Variants in MBNL2 observed in about 807,000 individuals in gnomAD.
The protein encoded by MBNL2 is muscleblind-like protein 2.
Under a neutral mutation model 41.9 loss-of-function variants are expected in MBNL2, and 17 were observed. The observed-to-expected ratio is 0.41, with a 90% confidence interval of 0.28 to 0.61. The LOEUF (loss-of-function observed/expected upper bound fraction) is 0.61, where lower values mean the gene tolerates loss of function less well. MBNL2 is among the 20% of genes least tolerant of loss of function. The probability of loss-of-function intolerance (pLI) is 0.35; values close to 1 mark genes in which losing one functional copy is unlikely to be tolerated. For synonymous variants in MBNL2, 195 were observed against 182.9 expected (o/e 1.07, Z -0.53); for missense variants, 336 against 505.6 (o/e 0.66, Z 3.22).
intron 4 of MBNL2, among the ~76,000 whole-genome samples, chr13:97,344,778 CAAATT>C (rs1170939074): frequency 1.3e-5 from 2 of 152,170 alleles, no homozygotes; most frequent in Admixed American, 6.5e-5. Flanking sequence ...CTTTAGAAAA[CAAATT>C]AAATCAGTGG....
intron 1 of MBNL2, among the ~76,000 whole-genome samples, chr13:97,259,457 C>A (rs1054775548): frequency 6.6e-6 from 1 of 152,156 alleles, no homozygotes; most frequent in African/African-American, 2.4e-5. Context: ...CACCTTTTCA[C>A]CCTCCCTGAA....
chr13:97,200,325 G>A, the MBNL2 span, among the ~76,000 whole-genome samples: 1 of 152,190 alleles, frequency 6.6e-6, no homozygotes, highest in Non-Finnish European at 1.5e-5. Flanking sequence ...CCACCACAGT[G>A]CCTGGGACCT....
intron 2 of MBNL2, among the ~76,000 whole-genome samples, chr13:97,316,855 C>T (rs1433921454): frequency 6.6e-6 from 1 of 152,210 alleles, no homozygotes; most frequent in Non-Finnish European, 1.5e-5. Context: ...TTGTCTGTCT[C>T]CCCTAACTAG....
chr13:97,159,382 T>C, the MBNL2 span, among the ~76,000 whole-genome samples: 3 of 152,028 alleles, frequency 2.0e-5, no homozygotes, highest in African/African-American at 4.8e-5. Context: ...AATTGGAGCA[T>C]TTAGTCCATT....
At chr13:97,375,387 G>A (rs2064865085) in intron 8 of MBNL2, among the ~76,000 whole-genome samples, 1 of 152,204 alleles carries the variant, frequency 6.6e-6, no homozygotes, top group Admixed American at 6.5e-5. Flanking sequence ...GCTGGCAAAC[G>A]TTGCTGCTGG....
In MBNL2 at chr13:97,275,938, A is replaced by G. The variant is rs1954674351; in HGVS notation, c.-298A>G. 3.9e-6 allele frequency: 1 copy of G among 253,554 alleles called. No homozygotes were observed. The highest frequency in any genetic ancestry group is 7.5e-6 in the Non-Finnish European group (1 of 133,524). The allele number at this position is 253,554 out of a possible 1,614,324, so 15.7% of individuals were successfully genotyped here. On this transcript the variant is annotated 5_prime_UTR_variant, in exon 2 of 9. An upstream open reading frame in the 5' UTR loses its in-frame stop. Coordinates refer to ENST00000679496, the MANE Select transcript of MBNL2 (RefSeq NM_001382683.1). ...GCCATGATATTGAAGTCACTTTATTAATAACAGCTGTATCTGCAAAACAGT... is the reference window on the plus strand; with the variant it reads ...GCCATGATATTGAAGTCACTTTATTGATAACAGCTGTATCTGCAAAACAGT...
intron 2 of MBNL2, among the ~76,000 whole-genome samples, chr13:97,290,600 C>T (rs1306319324): frequency 2.0e-5 from 3 of 151,080 alleles, no homozygotes; most frequent in South Asian, 2.1e-4. Flanking sequence ...GGCGTGAACC[C>T]GGGAAGCGGA....
the MBNL2 span, among the ~76,000 whole-genome samples, chr13:97,215,593 C>T: frequency 9.0e-3 from 1,368 of 152,250 alleles, 16 homozygotes; most frequent in African/African-American, 0.031. Context: ...AGGCATGCTA[C>T]AATCCATTAA....
At chr13:97,207,598 A>T in the MBNL2 span, among the ~76,000 whole-genome samples, 1 of 152,178 alleles carries the variant, frequency 6.6e-6, no homozygotes, top group African/African-American at 2.4e-5. Flanking sequence ...CTCCCACCAG[A>T]TCCCTCCCAC....
At chr13:97,267,830 G>A (rs929030166) in intron 1 of MBNL2, among the ~76,000 whole-genome samples, 2 of 152,166 alleles carry the variant, frequency 1.3e-5, no homozygotes, top group African/African-American at 4.8e-5. Context: ...TTGTTTCTAG[G>A]GAAATCAGTG....
chr13:97,205,719 CT>C, the MBNL2 span, among the ~76,000 whole-genome samples: 1 of 152,146 alleles, frequency 6.6e-6, no homozygotes, highest in African/African-American at 2.4e-5. Context: ...GACAGTTGAG[CT>C]TTTACTAAGA....
At chr13:97,202,245 A>G in the MBNL2 span, among the ~76,000 whole-genome samples, 511 of 152,354 alleles carry the variant, frequency 3.4e-3, 7 homozygotes, top group African/African-American at 0.012. Flanking sequence ...GGTGATGCAT[A>G]CATGAGGGCT....
In MBNL2 at chr13:97,337,438, G is replaced by A. The variant is rs74106928; in HGVS notation, c.339+2998G>A. Among the ~76,000 whole-genome samples, 287 of 152,224 alleles carry A rather than the reference G, an allele frequency of 1.9e-3. 1 individual carries two copies. The highest frequency in any genetic ancestry group is 6.4e-3 in the African/African-American group (266 of 41,528). On this transcript the variant is annotated intron_variant, in intron 3 of 8. Coordinates refer to ENST00000679496, the MANE Select transcript of MBNL2 (RefSeq NM_001382683.1). The stretch of plus-strand genomic sequence containing the variant: ...TCCTTTGTTAAACACTCCTTCCTCC[G>A]TCTCCTTTGCCCACCATTTTCCTCT...
chr13:97,193,221 C>A, the MBNL2 span, among the ~76,000 whole-genome samples: 1 of 152,210 alleles, frequency 6.6e-6, no homozygotes, highest in Admixed American at 6.5e-5. Context: ...CTCTCCCCAG[C>A]GGACCAATGC....
the MBNL2 span, among the ~76,000 whole-genome samples, chr13:97,158,691 T>C: frequency 6.6e-6 from 1 of 152,064 alleles, no homozygotes; most frequent in Admixed American, 6.5e-5. Context: ...TCAGTTTCCA[T>C]GTAGTTGAGC....
intron 2 of MBNL2, among the ~76,000 whole-genome samples, chr13:97,322,706 C>T (rs1439079473): frequency 1.3e-5 from 2 of 152,106 alleles, no homozygotes; most frequent in East Asian, 1.9e-4. Context: ...GTCTTCCTTC[C>T]CCTCCAGCCC....
At chr13:97,164,676 G>C in the MBNL2 span, among the ~76,000 whole-genome samples, 1 of 151,896 alleles carries the variant, frequency 6.6e-6, no homozygotes, top group African/African-American at 2.4e-5. Context: ...CTTTAAGACA[G>C]AGCCAAATTT....
At chr13:97,206,977 T>G in the MBNL2 span, among the ~76,000 whole-genome samples, 2 of 152,224 alleles carry the variant, frequency 1.3e-5, no homozygotes, top group Non-Finnish European at 2.9e-5. Flanking sequence ...CAAGGGCAGG[T>G]AACAGGCTTG....
chr13:97,250,205 A>G (rs1328840750), intron 1 of MBNL2, among the ~76,000 whole-genome samples: 2 of 152,272 alleles, frequency 1.3e-5, no homozygotes, highest in East Asian at 3.9e-4. Context: ...TGAGCAGTTT[A>G]ATCTCTTTTC....
Sources: gnomAD v4.1 joint callset for allele counts (sites outside exome capture counted in the v4.1 genomes callset) on GRCh38, gnomAD v4.1.1 for gene constraint, MANE v1.5 for transcripts, NCBI Gene and HGNC (gene_info 2026-07-23, HGNC 2026-07-21) for gene names.